The following MAML3 variants were observed in gnomAD, a reference collection of about 807,000 sequenced individuals.
The protein encoded by MAML3 is mastermind-like protein 3.
A neutral mutation model predicts 101.9 loss-of-function variants in MAML3; 27 were observed. The observed-to-expected ratio is 0.27, with a 90% CI of 0.20 to 0.37. The LOEUF (loss-of-function observed/expected upper bound fraction) is 0.37. Ranked by LOEUF, MAML3 falls within the 10% of genes least tolerant of loss-of-function variation. The pLI is 1.00. For synonymous variants in MAML3, 501 were observed against 555.9 expected (o/e 0.90, Z 1.39); for missense variants, 1,316 against 1,444.9 (o/e 0.91, Z 1.45).
intron 1 of MAML3, among the ~76,000 whole-genome samples, chr4:140,022,935 G>A (rs970082744): frequency 3.3e-5 from 5 of 152,136 alleles, no homozygotes; most frequent in African/African-American, 1.2e-4. Flanking sequence ...TCAAGTAAGG[G>A]ACAGCACAGA....
chr4:139,726,086 T>G (rs1728463352), intron 3 of MAML3, among the ~76,000 whole-genome samples: 1 of 152,218 alleles, frequency 6.6e-6, no homozygotes, highest in Non-Finnish European at 1.5e-5. Context: ...CTCGTGCCCC[T>G]TCCAGTCATC....
intron 2 of MAML3, among the ~76,000 whole-genome samples, chr4:139,792,333 T>C (rs1393750376): frequency 6.6e-6 from 1 of 152,170 alleles, no homozygotes; most frequent in Non-Finnish European, 1.5e-5. Flanking sequence ...TTTAAAACAA[T>C]ATAGATGGTT....
intron 2 of MAML3, among the ~76,000 whole-genome samples, chr4:139,782,322 C>T (rs1375001678): frequency 6.6e-6 from 1 of 152,002 alleles, no homozygotes; most frequent in Non-Finnish European, 1.5e-5. Flanking sequence ...ACTACCATGC[C>T]CAACTAGTTT....
At chr4:139,934,276 G>GGACTATGGGTGTGTGTGC (rs925754127) in intron 1 of MAML3, among the ~76,000 whole-genome samples, 55 of 151,786 alleles carry the variant, frequency 3.6e-4, no homozygotes, top group African/African-American at 1.3e-3. Flanking sequence ...AGAGTGTGTG[G>GGACTATGGGTGTGTGTGC]GACTATGGGT....
At position 139,890,472 on chromosome 4, in the gene MAML3, C is replaced by T; in HGVS notation, c.964G>A (p.Glu322Lys). 1 of 1,613,842 alleles carries T rather than the reference C, an allele frequency of 6.2e-7. No homozygotes were observed. Among genetic ancestry groups the T allele is most frequent in the Non-Finnish European group, 8.5e-7 (1 of 1,179,740 alleles). ...LIDELANTVP[E>K]DDIQDLFNED... is the part of the protein sequence containing the mutation. ...TTGAACAGGTCCTGTATGTCATCCT[C>T]AGGAACCGTGTTGGCCAATTCATCT... is the stretch of plus-strand genomic sequence containing the variant. Residue 322 changes from glutamate to lysine, a missense_variant, in exon 2 of 5, where the codon GAG becomes AAG. Physicochemically the swap from Glu to Lys is moderately conservative, Grantham distance 56. Transcript: ENST00000509479. This position sits in a 1 kb window ranked among gnomAD's most constrained non-coding sequence, Gnocchi z 4.1.
At chr4:139,998,215 G>A (rs974278828) in intron 1 of MAML3, among the ~76,000 whole-genome samples, 1 of 152,022 alleles carries the variant, frequency 6.6e-6, no homozygotes, top group African/African-American at 2.4e-5. Flanking sequence ...CTTCAAATTT[G>A]ATAATTTCTA....
chr4:139,972,244 A>C (rs1421451605), intron 1 of MAML3, among the ~76,000 whole-genome samples: 3 of 152,164 alleles, frequency 2.0e-5, no homozygotes. Context: ...CAAAATGTTA[A>C]ATCTGCAAAT....
chr4:140,000,764 A>G (rs1734908841), intron 1 of MAML3, among the ~76,000 whole-genome samples: 3 of 152,222 alleles, frequency 2.0e-5, no homozygotes, highest in Admixed American at 6.5e-5. Flanking sequence ...GCGGTGGCTC[A>G]CGCTTGTAAT....
intron 1 of MAML3, among the ~76,000 whole-genome samples, chr4:139,988,020 C>CAAAA (rs71593735): frequency 3.2e-4 from 10 of 31,380 alleles, no homozygotes; most frequent in Non-Finnish European, 5.0e-4. Context: ...AACTCCGTCT[C>CAAAA]AAAAAAAAAA....
Position 139,946,889 on chromosome 4 carries a change from C to CCACACACA in MAML3, c.469-55930_469-55923dup, listed in dbSNP as rs544250515. Among the ~76,000 whole-genome samples the CCACACACA allele has an allele frequency of 5.2e-3, 661 of 126,780 alleles. 4 individuals are homozygous for CCACACACA. Among genetic ancestry groups the CCACACACA allele is most frequent in the South Asian group, 0.033 (105 of 3,150 alleles). 83.2% of individuals were successfully genotyped at this position (126,780 alleles called of 152,430 possible). A position where few individuals can be genotyped will look rare whatever the true frequency, so the allele number is the denominator to read the frequency against. ...CCCAAATTTCTCCAGGCAGAGTAAG[C>CCACACACA]CACACACACACACACACACACACAC... On this transcript the variant is annotated intron_variant, in intron 1 of 4. Transcript: ENST00000509479.
chr4:139,836,063 G>A (rs1731251285), intron 2 of MAML3, among the ~76,000 whole-genome samples: 1 of 152,216 alleles, frequency 6.6e-6, no homozygotes, highest in South Asian at 2.1e-4. Context: ...AGGGAAGCCA[G>A]TAAAGGTGGT....
At chr4:140,050,538 G>A (rs1036821456) in intron 1 of MAML3, among the ~76,000 whole-genome samples, 1 of 151,400 alleles carries the variant, frequency 6.6e-6, no homozygotes, top group Non-Finnish European at 1.5e-5. Context: ...TCCTCGCACC[G>A]CCTCCCAGGT....
intron 1 of MAML3, among the ~76,000 whole-genome samples, chr4:139,930,313 C>T (rs1046441142): frequency 4.6e-5 from 7 of 152,102 alleles, no homozygotes; most frequent in Non-Finnish European, 7.4e-5. Context: ...GGCCTGAATA[C>T]GTTTCCAGGC....
At chr4:139,842,441 C>A (rs777588935) in intron 2 of MAML3, among the ~76,000 whole-genome samples, 1 of 152,162 alleles carries the variant, frequency 6.6e-6, no homozygotes, top group African/African-American at 2.4e-5. Context: ...AGAGAACTCA[C>A]GTTTACTGCA....
At position 139,880,780 on chromosome 4, in the gene MAML3, G is replaced by A. The variant is rs150736760; in HGVS notation, c.2079+8577C>T. ...ATAAATTTCAATTTGGACAATATTC[G>A]ATATTCAACAGAAAAGTGTTGAAAA... On this transcript the variant is annotated intron_variant, in intron 2 of 4. Transcript: ENST00000509479. 3.1e-3 allele frequency among the ~76,000 whole-genome samples: 469 copies of A among 152,230 alleles called. 2 individuals carry two copies. The highest frequency in any genetic ancestry group is 0.011 in the African/African-American group (453 of 41,522).
rs747303019 is a variant in MAML3, at chr4:139,745,580, C to T, written c.2080-14913G>A. 5.3e-5 allele frequency among the ~76,000 whole-genome samples: 8 copies of T among 152,228 alleles called. 1 individual carries two copies. Among genetic ancestry groups the T allele is most frequent in the South Asian group, 4.2e-4 (2 of 4,814 alleles). ...TGTGCAAATATCTGGGGTCATTTTCCGGTCTGGGATCCCACCTCCTCCCAC... is the reference window on the plus strand; with the variant it reads ...TGTGCAAATATCTGGGGTCATTTTCTGGTCTGGGATCCCACCTCCTCCCAC... On this transcript the variant is annotated intron_variant, in intron 2 of 4. Transcript: ENST00000509479.
rs756634808 is a variant in MAML3 at position 139,987,263 on chromosome 4, C to T, written c.469-96296G>A. Among the ~76,000 whole-genome samples the T allele has an allele frequency of 4.9e-4, 75 of 152,272 alleles. 1 individual carries two copies. Among genetic ancestry groups the T allele is most frequent in the Admixed American group, 3.0e-3 (46 of 15,300 alleles). ...AGTTTATAAATATTTTGGCATCATA[C>T]GACGTCTCCTGGTCAGCAGTTTTTT... On this transcript the variant is annotated intron_variant, in intron 1 of 4. Transcript: ENST00000509479.
At chr4:139,809,640 G>A (rs1377772757) in intron 2 of MAML3, among the ~76,000 whole-genome samples, 1 of 152,130 alleles carries the variant, frequency 6.6e-6, no homozygotes, top group African/African-American at 2.4e-5. Flanking sequence ...AAAACTCTGT[G>A]GACCCAAAAC....
intron 1 of MAML3, among the ~76,000 whole-genome samples, chr4:139,933,617 C>T (rs1328380159): frequency 2.6e-5 from 4 of 152,160 alleles, no homozygotes; most frequent in South Asian, 4.1e-4. Flanking sequence ...GCTGGTGGGG[C>T]GGCTACGCTG....
Sources: gnomAD v4.1 joint callset for allele counts (sites outside exome capture counted in the v4.1 genomes callset) on GRCh38, gnomAD v4.1.1 for gene constraint, Gnocchi (gnomAD v3.1) non-coding constraint, MANE v1.5 for transcripts, NCBI Gene and HGNC (gene_info 2026-07-23, HGNC 2026-07-21) for gene names.